The following RARB variants were observed in gnomAD, a reference collection of about 807,000 sequenced individuals.
RARB encodes retinoic acid receptor beta.
A neutral mutation model predicts 51.9 loss-of-function variants in RARB; 17 were observed. The observed-to-expected ratio is 0.33, with a 90% confidence interval of 0.22 to 0.49. The LOEUF (loss-of-function observed/expected upper bound fraction) is 0.49. RARB is among the 20% of genes least tolerant of loss of function. RARB has a pLI of 0.99. For synonymous variants in RARB, 215 were observed against 195.4 expected, an observed-to-expected ratio of 1.10 and a Z score of -0.84; for missense variants, 369 against 550.8, an observed-to-expected ratio of 0.67 and a Z score of 3.30.
At chr3:24,944,505 TTAAC>T (rs1007890408) in intron 2 of RARB, among the ~76,000 whole-genome samples, 1 of 152,178 alleles carries the variant, frequency 6.6e-6, no homozygotes, top group Non-Finnish European at 1.5e-5. Context: ...CTAAGGGAGA[TTAAC>T]TAAATAATTT....
intron 2 of RARB, among the ~76,000 whole-genome samples, chr3:25,012,030 A>G (rs1222956370): frequency 1.3e-5 from 2 of 152,114 alleles, no homozygotes; most frequent in Non-Finnish European, 2.9e-5. Context: ...ACAATGAGGA[A>G]TAGAGACAAG....
chr3:25,424,685 G>A (rs78180575), upstream of RARB, among the ~76,000 whole-genome samples: 20,637 of 152,224 alleles, frequency 0.14, 1,737 homozygotes, highest in Non-Finnish European at 0.19. Flanking sequence ...GTGGTGGGGG[G>A]GGATATGTCT....
At position 25,335,819 on chromosome 3, in the gene RARB, T is replaced by C. The variant is rs74368124; in HGVS notation, c.179-125374T>C. On this transcript the variant is annotated intron_variant, in intron 5 of 11. Coordinates refer to the RARB transcript ENST00000383772. ...CTTCTTGTACTGATATTTTGTCACC[T>C]ATGTGGCCAGGGAACAGTCCACAGG... 4.4e-3 allele frequency among the ~76,000 whole-genome samples: 665 copies of C among 152,348 alleles called. 3 individuals are homozygous for C. Among genetic ancestry groups the C allele is most frequent in the African/African-American group, 0.013 (549 of 41,590 alleles).
rs146713984 is a variant in RARB, at chr3:25,417,196, A to G, written c.179-43997A>G. The stretch of plus-strand genomic sequence containing the variant: ...CTGTTAATGCCACATCGAAAAACCA[A>G]TTAAAAAAAAAAAAAAACTGCTGCC... On this transcript the variant is annotated intron_variant, in intron 5 of 11. Coordinates refer to the RARB transcript ENST00000383772. 1.2e-3 allele frequency among the ~76,000 whole-genome samples: 144 copies of G among 124,926 alleles called. No homozygotes were observed. In the East Asian group the frequency reaches 0.028, roughly 24 times the overall value. 82.0% of individuals were successfully genotyped at this position (124,926 alleles called of 152,430 possible). A position where few individuals can be genotyped will look rare whatever the true frequency, so the allele number is the denominator to read the frequency against.
chr3:24,890,719 G>T (rs1703361354), intron 2 of RARB, among the ~76,000 whole-genome samples: 3 of 152,138 alleles, frequency 2.0e-5, no homozygotes. Context: ...AGTAATATCT[G>T]GCCTTATACA....
At chr3:25,500,241 GT>G (rs1270931581) in intron 2 of RARB, among the ~76,000 whole-genome samples, 1 of 152,048 alleles carries the variant, frequency 6.6e-6, no homozygotes, top group African/African-American at 2.4e-5. Flanking sequence ...GTAGCCTCAT[GT>G]GACTAATAGC....
At chr3:25,347,089 C>T (rs553703749) in intron 5 of RARB, among the ~76,000 whole-genome samples, 1 of 152,170 alleles carries the variant, frequency 6.6e-6, no homozygotes, top group African/African-American at 2.4e-5. Flanking sequence ...GGAAAACATA[C>T]CAGATTACCA....
At chr3:25,091,212 T>A (rs527361764) in intron 3 of RARB, among the ~76,000 whole-genome samples, 1 of 152,056 alleles carries the variant, frequency 6.6e-6, no homozygotes, top group Non-Finnish European at 1.5e-5. Flanking sequence ...GTGAGAGGTA[T>A]TTTTTTGCAA....
intron 5 of RARB, among the ~76,000 whole-genome samples, chr3:25,293,987 CT>C (rs1703855224): frequency 6.6e-6 from 1 of 152,140 alleles, no homozygotes; most frequent in South Asian, 2.1e-4. Context: ...TTGAATAAGC[CT>C]TCTTAGCTTC....
intron 5 of RARB, among the ~76,000 whole-genome samples, chr3:25,358,595 A>G (rs978639986): frequency 4.6e-5 from 7 of 152,206 alleles, no homozygotes; most frequent in Non-Finnish European, 8.8e-5. Flanking sequence ...TTGCCCATTC[A>G]GTATGATATT....
chr3:24,980,178 C>A (rs890269520), intron 2 of RARB, among the ~76,000 whole-genome samples: 3 of 152,154 alleles, frequency 2.0e-5, no homozygotes, highest in African/African-American at 7.2e-5. Context: ...GTAACCTGAC[C>A]TTTCTCTCTG....
At chr3:25,322,353 T>C (rs1377110937) in intron 5 of RARB, among the ~76,000 whole-genome samples, 1 of 152,154 alleles carries the variant, frequency 6.6e-6, no homozygotes, top group Non-Finnish European at 1.5e-5. Flanking sequence ...TGGGTCTATT[T>C]TATACTTAGG....
At chr3:25,453,823 C>G (rs1412757192) in intron 1 of RARB, among the ~76,000 whole-genome samples, 1 of 152,160 alleles carries the variant, frequency 6.6e-6, no homozygotes. Flanking sequence ...TGCCAAAGCC[C>G]AACAATGATA....
intron 2 of RARB, among the ~76,000 whole-genome samples, chr3:25,473,513 T>TG (rs35460000): frequency 0.83 from 126,179 of 152,010 alleles, 52,538 homozygotes; most frequent in Middle Eastern, 0.95. Context: ...CTAGCACTAT[T>TG]CCTGGGGCAT....
At chr3:25,234,789 G>T (rs898704197) in intron 5 of RARB, among the ~76,000 whole-genome samples, 29 of 152,122 alleles carry the variant, frequency 1.9e-4, no homozygotes, top group African/African-American at 6.8e-4. Flanking sequence ...AAATAGGGAA[G>T]AAAAAATTAT....
At chr3:25,031,652 T>A (rs1220744034) in intron 2 of RARB, among the ~76,000 whole-genome samples, 1 of 152,162 alleles carries the variant, frequency 6.6e-6, no homozygotes, top group Non-Finnish European at 1.5e-5. Flanking sequence ...CCCCTCTCTA[T>A]CTAGCAAGCA....
At chr3:25,044,393 A>T (rs551280935) in intron 2 of RARB, among the ~76,000 whole-genome samples, 5 of 152,276 alleles carry the variant, frequency 3.3e-5, no homozygotes, top group African/African-American at 1.2e-4. Flanking sequence ...ACTCTACCAA[A>T]TGTATCCAGA....
intron 5 of RARB, among the ~76,000 whole-genome samples, chr3:25,190,166 T>G (rs950976684): frequency 1.3e-5 from 2 of 149,580 alleles, no homozygotes; most frequent in Admixed American, 6.8e-5. Flanking sequence ...TCTAGAACTT[T>G]CCCATGGAAG....
chr3:24,999,911 A>G (rs557621741), intron 2 of RARB, among the ~76,000 whole-genome samples: 38 of 152,206 alleles, frequency 2.5e-4, no homozygotes, highest in Admixed American at 5.2e-4. Flanking sequence ...GATGCAAGGT[A>G]AAAAAGAGAC....
Sources: allele counts gnomAD v4.1 joint callset (sites outside exome capture counted in the v4.1 genomes callset), GRCh38; gene constraint gnomAD v4.1.1; transcripts MANE v1.5; gene names NCBI Gene and HGNC (gene_info 2026-07-23, HGNC 2026-07-21).